SMURF2: variants seen among roughly 807,000 people sequenced by gnomAD.
The protein encoded by SMURF2 is E3 ubiquitin-protein ligase SMURF2.
In SMURF2, 48 loss-of-function variants were observed where a neutral mutation model predicts 109.6. That is an observed-to-expected ratio of 0.44 (90% CI 0.35 to 0.56). The LOEUF is 0.56. SMURF2 is among the 20% of genes least tolerant of loss of function. SMURF2 has a pLI of 0.01. For synonymous variants in SMURF2, 288 were observed against 317.1 expected (o/e 0.91, Z 0.97); for missense variants, 575 against 909.0 (o/e 0.63, Z 4.72).
chr17:64,606,386 G>A (rs1031631436), intron 2 of SMURF2, among the ~76,000 whole-genome samples: 2 of 152,120 alleles, frequency 1.3e-5, no homozygotes, highest in South Asian at 2.1e-4. Context: ...TCATAAATAC[G>A]TGGGAGAGGT....
At chr17:64,568,488 T>C (rs1021312467) in intron 10 of SMURF2, among the ~76,000 whole-genome samples, 2 of 152,148 alleles carry the variant, frequency 1.3e-5, no homozygotes, top group Non-Finnish European at 2.9e-5. Flanking sequence ...TTGATTACCA[T>C]TGTACATTTG....
intron 2 of SMURF2, among the ~76,000 whole-genome samples, chr17:64,603,144 A>G (rs1969920917): frequency 6.6e-6 from 1 of 151,870 alleles, no homozygotes; most frequent in Admixed American, 6.6e-5. Context: ...CACAACATTT[A>G]GCCAACCCAT....
At chr17:64,651,831 A>G (rs1555693545) in intron 1 of SMURF2, among the ~76,000 whole-genome samples, 3 of 152,050 alleles carry the variant, frequency 2.0e-5, no homozygotes, top group Non-Finnish European at 2.9e-5. Context: ...CTGAGGCGGG[A>G]GGATCACTTG....
intron 1 of SMURF2, among the ~76,000 whole-genome samples, chr17:64,629,271 C>A (rs1032477593): frequency 6.6e-6 from 1 of 152,132 alleles, no homozygotes; most frequent in African/African-American, 2.4e-5. Flanking sequence ...TAGGTCAGGG[C>A]GGGAGGATCC....
chr17:64,547,889 G>A lies in SMURF2; in HGVS notation c.1870-88C>T. On this transcript the variant is annotated intron_variant, in intron 16 of 18. Coordinates refer to ENST00000262435, the MANE Select transcript of SMURF2 (RefSeq NM_022739.4). This position sits in a 1 kb window ranked among gnomAD's most constrained non-coding sequence, Gnocchi z 4.2. ...AAGAGAACTTTAGGTTTGTACTGCTGGCTGTCATTTGGTGGTTCCTAATTA... is the reference window on the plus strand; with the variant it reads ...AAGAGAACTTTAGGTTTGTACTGCTAGCTGTCATTTGGTGGTTCCTAATTA... The A allele has an allele frequency of 1.8e-6, 2 of 1,113,366 alleles. No homozygotes were observed. Among genetic ancestry groups the A allele is most frequent in the African/African-American group, 1.6e-5 (1 of 64,388 alleles). The allele number at this position is 1,113,366 out of a possible 1,614,324, so 69.0% of individuals were successfully genotyped here.
At chr17:64,635,007 GT>G (rs1385972566) in intron 1 of SMURF2, among the ~76,000 whole-genome samples, 2 of 152,048 alleles carry the variant, frequency 1.3e-5, no homozygotes, top group Non-Finnish European at 2.9e-5. Flanking sequence ...GTTATGACAA[GT>G]TTTTTTCCCA....
At chr17:64,610,086 T>A (rs1555689379) in intron 1 of SMURF2, among the ~76,000 whole-genome samples, 1 of 152,054 alleles carries the variant, frequency 6.6e-6, no homozygotes, top group Admixed American at 6.6e-5. Context: ...AGAATGGCAA[T>A]CATTAAAAAG....
At chr17:64,580,705 A>G in intron 8 of SMURF2, 84 bp downstream of exon 8, 2 of 1,360,500 alleles carry the variant, frequency 1.5e-6, no homozygotes, top group Non-Finnish European at 2.1e-6. Context: ...CAGATTAATA[A>G]CTTTTTCAAA....
chr17:64,575,399 T>C (rs1239440218), intron 9 of SMURF2, among the ~76,000 whole-genome samples: 2 of 151,990 alleles, frequency 1.3e-5, no homozygotes, highest in African/African-American at 4.8e-5. Flanking sequence ...GTGATCCTCC[T>C]GCCTCAGCCT....
chr17:64,628,212 T>C (rs1408794202), intron 1 of SMURF2, among the ~76,000 whole-genome samples: 1 of 152,186 alleles, frequency 6.6e-6, no homozygotes, highest in Non-Finnish European at 1.5e-5. Context: ...GTCTCTTCTT[T>C]GAGTGATACA....
intron 1 of SMURF2, chr17:64,660,628 T>C (rs1302814176): frequency 6.6e-6 from 1 of 152,246 alleles, no homozygotes; most frequent in Non-Finnish European, 1.5e-5. Context: ...GGCATTTAAC[T>C]ACAAAATTAG....
intron 1 of SMURF2, among the ~76,000 whole-genome samples, chr17:64,661,347 G>C (rs767978175): frequency 1.3e-5 from 2 of 152,016 alleles, no homozygotes; most frequent in Non-Finnish European, 2.9e-5. Flanking sequence ...GCATAACTGG[G>C]TGTGTGCAAG....
At chr17:64,635,276 G>A (rs936375386) in intron 1 of SMURF2, among the ~76,000 whole-genome samples, 9 of 151,550 alleles carry the variant, frequency 5.9e-5, no homozygotes, top group Admixed American at 3.3e-4. Flanking sequence ...GCGGTGAGCC[G>A]AGATCACACC....
intron 9 of SMURF2, among the ~76,000 whole-genome samples, chr17:64,577,598 A>G (rs555208256): frequency 1.9e-4 from 29 of 150,388 alleles, no homozygotes; most frequent in South Asian, 2.1e-4. Flanking sequence ...AAAAAAAAAA[A>G]AGAGAGAGAG....
intron 1 of SMURF2, among the ~76,000 whole-genome samples, chr17:64,613,709 T>TGTGTGTGTGA (rs1970079001): frequency 2.3e-5 from 3 of 129,640 alleles, no homozygotes; most frequent in South Asian, 2.5e-4. Context: ...TGTGTGTGTG[T>TGTGTGTGTGA]GTGTGTGTGT....
chr17:64,624,201 A>T (rs113695349), intron 1 of SMURF2, among the ~76,000 whole-genome samples: 173 of 152,336 alleles, frequency 1.1e-3, no homozygotes, highest in African/African-American at 3.9e-3. Flanking sequence ...AATGCTATAA[A>T]TTATACTGCC....
intron 1 of SMURF2, among the ~76,000 whole-genome samples, chr17:64,661,540 T>C (rs142271157): frequency 1.3e-5 from 2 of 152,224 alleles, no homozygotes; most frequent in Admixed American, 6.5e-5. Flanking sequence ...AGGCAGCGTC[T>C]GGCTCCTTGA....
intron 4 of SMURF2, among the ~76,000 whole-genome samples, chr17:64,591,860 CAATCTGGTAG>C (rs1360364346): frequency 6.6e-6 from 1 of 152,126 alleles, no homozygotes; most frequent in Admixed American, 6.5e-5. Flanking sequence ...TTTTCCACTC[CAATCTGGTAG>C]AACATTACAT....
At chr17:64,586,890 G>A (rs1969668518) in intron 5 of SMURF2, among the ~76,000 whole-genome samples, 2 of 151,944 alleles carry the variant, frequency 1.3e-5, no homozygotes, top group South Asian at 2.1e-4. Context: ...ACTGGGCTGG[G>A]CGCAGTGGCT....
Sources: allele counts gnomAD v4.1 joint callset (sites outside exome capture counted in the v4.1 genomes callset), GRCh38; gene constraint gnomAD v4.1.1; non-coding constraint Gnocchi (gnomAD v3.1); transcripts MANE v1.5; gene names NCBI Gene and HGNC (gene_info 2026-07-23, HGNC 2026-07-21).